The following RIC3 variants were observed in gnomAD, a reference collection of about 807,000 sequenced individuals.
The protein encoded by RIC3 is RIC3 acetylcholine receptor chaperone.
A neutral mutation model predicts 27.3 loss-of-function variants in RIC3; 28 were observed. That is an observed-to-expected ratio of 1.02 (90% CI 0.76 to 1.41). The LOEUF (loss-of-function observed/expected upper bound fraction) is 1.41. Among genes scored for constraint, RIC3 ranks in the 40% most tolerant of loss-of-function variants. RIC3 has a pLI of 0.00. For missense variants in RIC3, 501 were observed against 444.7 expected, an observed-to-expected ratio of 1.13 and a Z score of -1.14; for synonymous variants, 184 against 160.4, an observed-to-expected ratio of 1.15 and a Z score of -1.11.
At chr11:8,100,368 G>A in the RIC3 span, 34 of 714,142 alleles carry the variant, frequency 4.8e-5, no homozygotes, top group Middle Eastern at 3.7e-4. Context: ...GCCGTGTTAG[G>A]TTTAGAGGGA....
At chr11:8,163,980 G>C (rs974058437) in intron 1 of RIC3, among the ~76,000 whole-genome samples, 1 of 152,090 alleles carries the variant, frequency 6.6e-6, no homozygotes, top group African/African-American at 2.4e-5. Flanking sequence ...AAGACAGCAT[G>C]GTACTGGCTA....
At position 8,169,006 on chromosome 11, in the gene RIC3, C is replaced by G. The variant is rs758372832; in HGVS notation, c.-17G>C. 5.8e-6 allele frequency: 9 copies of G among 1,558,486 alleles called. No individual in the cohort carries two copies. Among genetic ancestry groups the G allele is most frequent in the Non-Finnish European group, 7.8e-6 (9 of 1,158,060 alleles). On this transcript the variant is annotated 5_prime_UTR_variant, in exon 1 of 6. Coordinates refer to ENST00000309737, the MANE Select transcript of RIC3 (RefSeq NM_001206671.4). ...GTACGCCATGACTGCTCACGGTGGT[C>G]GCAGGTGCAGACGCCAGCCGGAACC...
Position 8,110,251 on chromosome 11 carries a change from C to G in RIC3, c.*447G>C. The G allele has an allele frequency of 3.5e-6, 1 of 286,236 alleles. No individual in the cohort carries two copies. The highest frequency in any genetic ancestry group is 3.8e-5 in the South Asian group (1 of 26,328). 17.7% of individuals were successfully genotyped at this position (286,236 alleles called of 1,614,324 possible). ...TCTCTTCTCACCAGGGGACTACTAA[C>G]CTGCTCAAGGCCCAAAGAATAAGGG... On this transcript the variant is annotated 3_prime_UTR_variant, in exon 6 of 6. Coordinates refer to ENST00000309737, the MANE Select transcript of RIC3 (RefSeq NM_001206671.4).
chr11:8,136,408 C>A (rs1438960573), intron 4 of RIC3, among the ~76,000 whole-genome samples: 1 of 152,214 alleles, frequency 6.6e-6, no homozygotes, highest in Non-Finnish European at 1.5e-5. Context: ...TATTCTTCCT[C>A]CATCCTTGCC....
rs568580855 is a variant in RIC3, at chr11:8,140,188, A to G, written c.130T>C (p.Leu44=). ...TGCATCATAGGTGGAAATCGGCCCA[A>G]TTTTCCTGAGAAAATAATAATCACT... ...QEPPPTPEGK[L]GRFPPMMHHH... is the part of the protein sequence containing the mutation. Residue 44 remains leucine, a synonymous_variant, in exon 2 of 6, where the codon TTG becomes CTG. Transcript: ENST00000309737. 1 of 1,610,186 alleles carries G rather than the reference A, an allele frequency of 6.2e-7. No individual in the cohort carries two copies. Among genetic ancestry groups the G allele is most frequent in the African/African-American group, 1.3e-5 (1 of 74,816 alleles).
chr11:8,095,735 G>A, the RIC3 span: 1 of 1,488,460 alleles, frequency 6.7e-7, no homozygotes, highest in Non-Finnish European at 9.1e-7. Context: ...CCTTTCTCTG[G>A]GAGCATGGCC....
At chr11:8,143,308 C>T (rs962171239) in intron 1 of RIC3, among the ~76,000 whole-genome samples, 4 of 151,810 alleles carry the variant, frequency 2.6e-5, no homozygotes, top group African/African-American at 9.7e-5. Context: ...TCTCCTTAAG[C>T]TGATAAGCAA....
the RIC3 span, among the ~76,000 whole-genome samples, chr11:8,096,207 G>C: frequency 2.1e-4 from 32 of 152,334 alleles, no homozygotes; most frequent in Admixed American, 7.2e-4. Flanking sequence ...CAAAGATGAG[G>C]AGTCAGTGGG....
At chr11:8,100,724 T>C in the RIC3 span, 37 of 1,560,354 alleles carry the variant, frequency 2.4e-5, no homozygotes, top group South Asian at 4.5e-5. Context: ...GCCCTGGAGG[T>C]CTAGGGAAAT....
chr11:8,116,910 T>C (rs774552542), intron 5 of RIC3, among the ~76,000 whole-genome samples: 2 of 152,194 alleles, frequency 1.3e-5, no homozygotes, highest in African/African-American at 4.8e-5. Context: ...CTACTGGATA[T>C]ATATCCAAAA....
At chr11:8,146,912 G>C (rs1252890583) in intron 1 of RIC3, among the ~76,000 whole-genome samples, 2 of 152,180 alleles carry the variant, frequency 1.3e-5, no homozygotes, top group South Asian at 2.1e-4. Context: ...TCAGATAGCA[G>C]ACTTCTGAGG....
At chr11:8,093,107 G>A in the RIC3 span, among the ~76,000 whole-genome samples, 13 of 152,208 alleles carry the variant, frequency 8.5e-5, no homozygotes, top group African/African-American at 3.1e-4. Flanking sequence ...AGATGGTCAC[G>A]GGGTTGCTTT....
intron 1 of RIC3, among the ~76,000 whole-genome samples, chr11:8,151,334 T>A (rs547146670): frequency 4.6e-5 from 7 of 151,990 alleles, no homozygotes; most frequent in Admixed American, 4.6e-4. Context: ...ACGCCTGTAA[T>A]CCCAGCACTT....
the RIC3 span, chr11:8,098,915 A>C: frequency 6.9e-7 from 1 of 1,457,530 alleles, no homozygotes; most frequent in Non-Finnish European, 9.6e-7. Context: ...TCCAAGGTAG[A>C]TATGAAATCC....
intron 5 of RIC3, among the ~76,000 whole-genome samples, chr11:8,122,045 T>C (rs1946517384): frequency 6.6e-6 from 1 of 152,160 alleles, no homozygotes; most frequent in African/African-American, 2.4e-5. Context: ...GTTAAGACTC[T>C]ATCCCTTTAA....
chr11:8,110,355 T>G lies in RIC3; in HGVS notation c.*343A>C, dbSNP rs1444083143. The G allele has an allele frequency of 2.6e-6, 1 of 392,062 alleles. No individual in the cohort carries two copies. The highest frequency in any genetic ancestry group is 6.0e-5 in the East Asian group (1 of 16,756). 24.3% of individuals were successfully genotyped at this position (392,062 alleles called of 1,614,324 possible). Reference sequence around the variant, plus strand: ...AGCTGATGTTCGTTCACAGGTGAACTATCTGTTACACCTACCAGGAAGAGT... The same window carrying G: ...AGCTGATGTTCGTTCACAGGTGAACGATCTGTTACACCTACCAGGAAGAGT... On this transcript the variant is annotated 3_prime_UTR_variant, in exon 6 of 6. Coordinates refer to ENST00000309737, the MANE Select transcript of RIC3 (RefSeq NM_001206671.4).
chr11:8,095,856 G>A, the RIC3 span, among the ~76,000 whole-genome samples: 37 of 152,376 alleles, frequency 2.4e-4, no homozygotes, highest in African/African-American at 8.4e-4. Context: ...GGGAGGCCCT[G>A]ATTTGGGGGC....
intron 4 of RIC3, among the ~76,000 whole-genome samples, chr11:8,132,137 A>G (rs1033891605): frequency 6.6e-6 from 1 of 152,102 alleles, no homozygotes; most frequent in Admixed American, 6.5e-5. Context: ...CTGCTTGACC[A>G]TACCATGCTT....
chr11:8,123,154 A>G (rs1398551370), intron 5 of RIC3, among the ~76,000 whole-genome samples: 1 of 152,112 alleles, frequency 6.6e-6, no homozygotes, highest in Admixed American at 6.5e-5. Context: ...AAACCTGAAG[A>G]CATAGCAAGA....
Sources: allele counts gnomAD v4.1 joint callset (sites outside exome capture counted in the v4.1 genomes callset), GRCh38; gene constraint gnomAD v4.1.1; transcripts MANE v1.5; gene names NCBI Gene and HGNC (gene_info 2026-07-23, HGNC 2026-07-21).